Variants in MICB observed in about 807,000 individuals in gnomAD.
MICB encodes MHC class I antigen-related protein B.
In MICB, 27 loss-of-function variants were observed where a neutral mutation model predicts 34.3. That is an observed-to-expected ratio of 0.79 (90% CI 0.58 to 1.08). MICB has a LOEUF of 1.08. MICB is among the 50% of genes least tolerant of loss of function. MICB has a pLI of 0.00. For missense variants in MICB, 426 were observed against 483.1 expected (o/e 0.88, Z 1.11); for synonymous variants, 153 against 187.4 (o/e 0.82, Z 1.50).
Position 31,505,636 on chromosome 6 carries a change from C to T in MICB, c.90C>T (p.Tyr30=), listed in dbSNP as rs564533160. The part of the protein sequence containing the change: ...AAAAEPHSLR[Y]NLMVLSQDGS... ...CCCCAGAGCCCCACAGTCTTCGTTA[C>T]AACCTCATGGTGCTGTCCCAGGATG... Residue 30 remains tyrosine, a synonymous_variant, in exon 2 of 6, where the codon TAC becomes TAT. Coordinates refer to ENST00000252229, the MANE Select transcript of MICB (RefSeq NM_005931.5). 6.2e-7 allele frequency: 1 copy of T among 1,612,692 alleles called. No homozygotes were observed. Among genetic ancestry groups the T allele is most frequent in the Non-Finnish European group, 8.5e-7 (1 of 1,179,866 alleles).
upstream of MICB, among the ~76,000 whole-genome samples, chr6:31,496,149 T>C (rs6916187): frequency 0.34 from 51,436 of 152,088 alleles, 8,849 homozygotes; most frequent in East Asian, 0.46. Context: ...TGAAGACCAC[T>C]GCCTAGATGT....
At chr6:31,500,191 C>A (rs1356455806) in intron 1 of MICB, among the ~76,000 whole-genome samples, 3 of 151,878 alleles carry the variant, frequency 2.0e-5, no homozygotes, top group Non-Finnish European at 4.4e-5. Flanking sequence ...CCACTGCTCC[C>A]CCTCCAGCAT....
intron 3 of MICB, 42 bp from the exon 4 acceptor site, chr6:31,506,980 G>A (rs1765372724): frequency 6.3e-7 from 1 of 1,590,856 alleles, no homozygotes; most frequent in Non-Finnish European, 8.6e-7. Flanking sequence ...ATCTCCCTTA[G>A]AGGGGAGCAG....
At chr6:31,503,983 G>T (rs1246165237) in intron 1 of MICB, among the ~76,000 whole-genome samples, 1 of 140,962 alleles carries the variant, frequency 7.1e-6, no homozygotes, top group African/African-American at 2.6e-5. Context: ...GTGTGTGTGT[G>T]TGTGATAATA....
chr6:31,506,835 C>T (rs1361872758), intron 3 of MICB, among the ~76,000 whole-genome samples, 187 bp from the exon 4 acceptor site: 1 of 152,216 alleles, frequency 6.6e-6, no homozygotes, highest in African/African-American at 2.4e-5. Context: ...CCTGAGGCCA[C>T]AGTCCCAAGG....
chr6:31,504,336 T>C (rs1425951505), intron 1 of MICB, among the ~76,000 whole-genome samples: 1 of 130,340 alleles, frequency 7.7e-6, no homozygotes, highest in East Asian at 2.7e-4. Context: ...CTCAGCTCAC[T>C]GCAAGCTCCG....
chr6:31,505,593 C>A, intron 1 of MICB, 24 bp from the exon 2 acceptor site: 1 of 1,608,266 alleles, frequency 6.2e-7, no homozygotes, highest in Non-Finnish European at 8.5e-7. Flanking sequence ...GAAGAAGTTT[C>A]ACCTGTGATT....
In MICB at chr6:31,505,917, A is replaced by G. The variant is rs1231244885; in HGVS notation, c.325+46A>G. On this transcript the variant is annotated intron_variant, in intron 2 of 5. Transcript: ENST00000252229. ...GAGTAATGGGAGGCCTTCTCCAGGA[A>G]AGTTGGAGACAGAGAGCAGGGACCT... is the stretch of plus-strand genomic sequence containing the variant. 5 of 1,547,394 alleles carry G rather than the reference A, an allele frequency of 3.2e-6. No individual in the cohort carries two copies. The South Asian group carries it at 3.6e-5, about 11-fold the overall frequency.
At position 31,506,159 on chromosome 6, in the gene MICB, G is replaced by A. The variant is rs550996064; in HGVS notation, c.342G>A (p.Gln114=). ...TGGGGGCAGGCTTGCATTCCCTCCA[G>A]GAGATTAGGGTCTGTGAGATCCATG... is the stretch of plus-strand genomic sequence containing the variant. ...KDQKGGLHSL[Q]EIRVCEIHED... The change falls in exon 3 of 6, where the codon CAG becomes CAA. Residue 114 remains glutamine (Q), a synonymous_variant. Transcript: ENST00000252229. The A allele has an allele frequency of 5.7e-5, 92 of 1,613,714 alleles. 1 individual carries two copies. In the African/African-American group the frequency reaches 1.0e-3, roughly 18 times the overall value.
chr6:31,498,167 A>G lies in MICB; in HGVS notation c.-27A>G. 1 of 1,566,392 alleles carries G rather than the reference A, an allele frequency of 6.4e-7. No homozygotes were observed. The highest frequency in any genetic ancestry group is 8.7e-7 in the Non-Finnish European group (1 of 1,152,618). On this transcript the variant is annotated 5_prime_UTR_variant, in exon 1 of 6. Transcript: ENST00000252229. ...TTCATTCAGTTGGCCACTGCTGAGC[A>G]GCTGAGAAGGTGGCGACGTAGGGGC...
Position 31,510,001 on chromosome 6 carries a change from A to C in MICB, c.*92A>C. The C allele has an allele frequency of 1.5e-6, 2 of 1,362,142 alleles. No individual in the cohort carries two copies. The highest frequency in any genetic ancestry group is 2.0e-6 in the Non-Finnish European group (2 of 1,010,020). 84.4% of individuals were successfully genotyped at this position (1,362,142 alleles called of 1,614,324 possible). On this transcript the variant is annotated 3_prime_UTR_variant, in exon 6 of 6. Transcript: ENST00000252229. The stretch of plus-strand genomic sequence containing the variant: ...CCTGACCTATGAAACAGAGAAAATA[A>C]CATCACTTATTTATTGTTGTTGGAT...
At chr6:31,496,163 A>G (rs1764639997), upstream of MICB, among the ~76,000 whole-genome samples, 1 of 152,076 alleles carries the variant, frequency 6.6e-6, no homozygotes, top group Middle Eastern at 3.4e-3. Flanking sequence ...TAGATGTCCC[A>G]ATGACTAAGA....
At chr6:31,495,756 A>ACTCGC (rs3842618), upstream of MICB, among the ~76,000 whole-genome samples, 47,572 of 151,432 alleles carry the variant, frequency 0.31, 7,678 homozygotes, top group Middle Eastern at 0.39. Context: ...GGTGTGTGGC[A>ACTCGC]CTCGCCTGTA....
upstream of MICB, chr6:31,495,055 G>C (rs1419417804): frequency 6.6e-6 from 1 of 151,008 alleles, no homozygotes; most frequent in Non-Finnish European, 1.5e-5. Context: ...TGGAGGTGGG[G>C]TGGAGGGGGA....
chr6:31,498,107 A>C, upstream of MICB: 1 of 1,108,402 alleles, frequency 9.0e-7, no homozygotes, highest in Non-Finnish European at 1.3e-6. Context: ...AGCGGGGCGC[A>C]GGTGACTAAA....
At position 31,498,186 on chromosome 6, in the gene MICB, T is replaced by C. The variant is rs1764777348; in HGVS notation, c.-8T>C. On this transcript the variant is annotated 5_prime_UTR_variant, in exon 1 of 6. Transcript: ENST00000252229. ...CTGAGCAGCTGAGAAGGTGGCGACG[T>C]AGGGGCCATGGGGCTGGGCCGGGTC... 1.3e-6 allele frequency: 2 copies of C among 1,578,278 alleles called. No homozygotes were observed. The highest frequency in any genetic ancestry group is 1.7e-6 in the Non-Finnish European group (2 of 1,160,168).
chr6:31,505,474 T>C, intron 1 of MICB, 143 bp from the exon 2 acceptor site: 1 of 1,186,538 alleles, frequency 8.4e-7, no homozygotes, highest in East Asian at 2.5e-5. Flanking sequence ...GTTTTCCTTG[T>C]ATATGAAATC....
intron 1 of MICB, 138 bp downstream of exon 1, chr6:31,498,401 G>T: frequency 2.3e-6 from 1 of 434,024 alleles, no homozygotes; most frequent in Non-Finnish European, 4.0e-6. Context: ...GCTGGACGCC[G>T]CCTGTTCCCG....
At chr6:31,498,137 C>T, upstream of MICB, 2 of 1,441,928 alleles carry the variant, frequency 1.4e-6, no homozygotes, top group Non-Finnish European at 1.9e-6. Context: ...GGTCTTCTCA[C>T]GGGTTTCATT....
Sources: gnomAD v4.1 joint callset for allele counts (sites outside exome capture counted in the v4.1 genomes callset) on GRCh38, gnomAD v4.1.1 for gene constraint, MANE v1.5 for transcripts, NCBI Gene and HGNC (gene_info 2026-07-23, HGNC 2026-07-21) for gene names.